The following MORC1 variants were observed in gnomAD, a reference collection of about 807,000 sequenced individuals.
The protein encoded by MORC1 is MORC family CW-type zinc finger protein 1.
MORC1 carries 59 observed loss-of-function variants against 134.9 expected under a neutral mutation model. The observed-to-expected ratio is 0.44, with a 90% CI of 0.35 to 0.54. The LOEUF is 0.54. Among genes scored for constraint, MORC1 ranks in the 20% least tolerant of loss-of-function variants. MORC1 has a pLI of 0.00. For synonymous variants in MORC1, 395 were observed against 391.7 expected (o/e 1.01, Z -0.10); for missense variants, 947 against 1,134.5 (o/e 0.83, Z 2.37).
chr3:108,995,789 T>C lies in MORC1; in HGVS notation c.2187+4768A>G, dbSNP rs3804699. ...GCTGGGCAAGGCATGGATGATGGAT[T>C]GGTCTTTTAAAATTGATTCAAGACA... is the stretch of plus-strand genomic sequence containing the variant. On this transcript the variant is annotated intron_variant, in intron 21 of 27. Transcript: ENST00000232603. Among the ~76,000 whole-genome samples, 11 of 152,318 alleles carry C rather than the reference T, an allele frequency of 7.2e-5. No individual in the cohort carries two copies. In the East Asian group the frequency reaches 2.1e-3, roughly 29 times the overall value.
At chr3:109,099,243 T>A in intron 6 of MORC1, 115 bp downstream of exon 6, 2 of 704,568 alleles carry the variant, frequency 2.8e-6, no homozygotes, top group Non-Finnish European at 2.3e-6. Context: ...CCCAAACATA[T>A]TCCTAAGTTT....
intron 6 of MORC1, among the ~76,000 whole-genome samples, chr3:109,098,877 CATA>C (rs1950875348): frequency 6.6e-6 from 1 of 152,084 alleles, no homozygotes. Context: ...AACTGACAGC[CATA>C]ATAATAAAAC....
In MORC1 at chr3:108,969,524, G is replaced by A. The variant is rs560957852; in HGVS notation, c.2604+145C>T. The A allele has an allele frequency of 4.9e-5, 36 of 735,990 alleles. No individual in the cohort carries two copies. The African/African-American group carries it at 5.5e-4, about 11-fold the overall frequency. The allele number at this position is 735,990 out of a possible 1,614,324, so 45.6% of individuals were successfully genotyped here. ...AAAAATATGTTGCTTTATGACACCT[G>A]ATAAGCTATACATTAATCTAAGTCT... On this transcript the variant is annotated intron_variant, in intron 26 of 27. Transcript: ENST00000232603.
At chr3:109,039,706 G>A (rs1949465589) in intron 14 of MORC1, among the ~76,000 whole-genome samples, 1 of 152,042 alleles carries the variant, frequency 6.6e-6, no homozygotes, top group Admixed American at 6.5e-5. Context: ...AGGGTGGGGA[G>A]AAAAAAAGAC....
intron 8 of MORC1, among the ~76,000 whole-genome samples, chr3:109,070,559 C>T (rs1950295958): frequency 6.6e-6 from 1 of 152,110 alleles, no homozygotes; most frequent in South Asian, 2.1e-4. Flanking sequence ...AGAAGCGATG[C>T]TCTTTACTAC....
chr3:109,079,085 T>C (rs752563530), intron 8 of MORC1, among the ~76,000 whole-genome samples: 16 of 152,000 alleles, frequency 1.1e-4, no homozygotes, highest in African/African-American at 3.1e-4. Flanking sequence ...TTCCAAATAA[T>C]AGAAATGGGG....
intron 14 of MORC1, among the ~76,000 whole-genome samples, chr3:109,042,431 G>GT (rs1221043670): frequency 2.0e-5 from 3 of 152,174 alleles, no homozygotes; most frequent in African/African-American, 7.2e-5. Context: ...GACATGAAAG[G>GT]TAAGTGTTGG....
At position 109,005,162 on chromosome 3, in the gene MORC1, T is replaced by A. The variant is rs1371443468; in HGVS notation, c.1921A>T (p.Met641Leu). 11 of 1,613,904 alleles carry A rather than the reference T, an allele frequency of 6.8e-6. No homozygotes were observed. Among genetic ancestry groups the A allele is most frequent in the Middle Eastern group, 1.6e-4 (1 of 6,082 alleles). The change falls in exon 19 of 28, where the codon ATG becomes TTG. Residue 641 changes from methionine (M) to leucine (L), a missense_variant. By Grantham distance (15) the Met-to-Leu change is conservative (BLOSUM62 2). Transcript: ENST00000232603. ...DVEYISETKI[M>L]KKSMEEKMNS... ...ATTTTCTCCTCCATAGACTTTTTCA[T>A]AATTTTTGTTTCTGAAATATACTCT...
At chr3:108,963,927 C>T (rs1277379319) in intron 26 of MORC1, among the ~76,000 whole-genome samples, 1 of 152,156 alleles carries the variant, frequency 6.6e-6, no homozygotes, top group Non-Finnish European at 1.5e-5. Flanking sequence ...CTCCCAATGG[C>T]GATCACCAGA....
At chr3:109,002,136 A>G (rs538378899) in intron 20 of MORC1, among the ~76,000 whole-genome samples, 9 of 152,344 alleles carry the variant, frequency 5.9e-5, no homozygotes, top group Non-Finnish European at 1.2e-4. Flanking sequence ...TGCTCTGCCC[A>G]CATTCACTTT....
At chr3:108,982,766 C>T (rs1947776362) in intron 23 of MORC1, among the ~76,000 whole-genome samples, 1 of 145,400 alleles carries the variant, frequency 6.9e-6, no homozygotes, top group Non-Finnish European at 1.5e-5. Context: ...AAGAAAGAAA[C>T]GATCACCCAG....
intron 8 of MORC1, among the ~76,000 whole-genome samples, chr3:109,082,745 A>G (rs1950546461): frequency 6.6e-6 from 1 of 152,190 alleles, no homozygotes; most frequent in South Asian, 2.1e-4. Context: ...CAAAAAGTAA[A>G]AAAAAATGAA....
At chr3:109,012,479 T>C (rs998224173) in intron 17 of MORC1, among the ~76,000 whole-genome samples, 2 of 152,214 alleles carry the variant, frequency 1.3e-5, no homozygotes, top group African/African-American at 4.8e-5. Flanking sequence ...AAAATACTTG[T>C]TTGAATTTTA....
At chr3:109,007,128 T>C (rs1334370511) in intron 17 of MORC1, 37 bp from the exon 18 acceptor site, 2 of 1,542,190 alleles carry the variant, frequency 1.3e-6, no homozygotes, top group East Asian at 2.3e-5. Context: ...CAAATGTAAG[T>C]AAAAATAAGC....
intron 14 of MORC1, among the ~76,000 whole-genome samples, chr3:109,039,213 G>A (rs1039345110): frequency 5.9e-5 from 9 of 152,152 alleles, no homozygotes; most frequent in South Asian, 2.1e-4. Context: ...ACCGTGCCCC[G>A]CCTGCTTCTC....
chr3:109,009,327 T>TC lies in MORC1; in HGVS notation c.1705-2237dup, dbSNP rs1363385202. 6.0e-5 allele frequency among the ~76,000 whole-genome samples: 9 copies of TC among 149,538 alleles called. No homozygotes were observed. The South Asian group carries it at 2.0e-3, about 33-fold the overall frequency. ...TTCGAGTGATCCTCCTGCCTCAGCC[T>TC]CCCAAGTAGCTGGGACTACAGGCGC... On this transcript the variant is annotated intron_variant, in intron 17 of 27. Coordinates refer to ENST00000232603, the MANE Select transcript of MORC1 (RefSeq NM_014429.4).
At chr3:109,048,600 CAGA>C (rs1189518032) in intron 14 of MORC1, among the ~76,000 whole-genome samples, 3 of 152,188 alleles carry the variant, frequency 2.0e-5, no homozygotes, top group Admixed American at 1.3e-4. Flanking sequence ...GCCTAAACAA[CAGA>C]AGTTTATTTA....
intron 14 of MORC1, among the ~76,000 whole-genome samples, chr3:109,044,524 C>A (rs1398924886): frequency 6.6e-6 from 1 of 150,528 alleles, no homozygotes; most frequent in Non-Finnish European, 1.5e-5. Context: ...CGCCACTGCA[C>A]TCCAGCCTGG....
At chr3:109,046,396 A>G (rs1333352320) in intron 14 of MORC1, among the ~76,000 whole-genome samples, 1 of 152,214 alleles carries the variant, frequency 6.6e-6, no homozygotes, top group Non-Finnish European at 1.5e-5. Context: ...AGTCATTGTC[A>G]CTGCTCTCCT....
Sources: allele counts gnomAD v4.1 joint callset (sites outside exome capture counted in the v4.1 genomes callset), GRCh38; gene constraint gnomAD v4.1.1; transcripts MANE v1.5; gene names NCBI Gene and HGNC (gene_info 2026-07-23, HGNC 2026-07-21).